VPS33B: variants seen among roughly 807,000 people sequenced by gnomAD.
VPS33B encodes the protein vacuolar protein sorting-associated protein 33B.
VPS33B carries 80 observed loss-of-function variants against 95.3 expected under a neutral mutation model. The ratio of observed to expected loss-of-function variants is 0.84; its 90% CI spans 0.70 to 1.01. VPS33B has a LOEUF of 1.01. VPS33B is among the 50% of genes least tolerant of loss of function. The pLI, the probability that VPS33B is intolerant of heterozygous loss-of-function variation, is 0.00. For missense variants in VPS33B, 715 were observed against 773.4 expected (o/e 0.92, Z 0.90); for synonymous variants, 280 against 280.4 (o/e 1.00, Z 0.01).
At position 90,999,765 on chromosome 15, in the gene VPS33B, A is replaced by G; in HGVS notation, c.1686T>C (p.Ser562=). The G allele has an allele frequency of 1.9e-6, 3 of 1,614,162 alleles. No homozygotes were observed. Among genetic ancestry groups the G allele is most frequent in the Admixed American group, 3.3e-5 (2 of 60,010 alleles). ...CCACCAAGATGAGGCGCAGGGACTC[A>G]CTGGAAGCCTTGTCTTCCTTAGTCA... is the stretch of plus-strand genomic sequence containing the variant. ...TDMTKEDKAS[S]ESLRLILVVF... is the part of the protein sequence containing the mutation. The change falls in exon 22 of 23, where the codon AGT becomes AGC. Residue 562 remains serine, a synonymous_variant. Coordinates refer to ENST00000333371, the MANE Select transcript of VPS33B (RefSeq NM_018668.5). The surrounding 1 kb of genome is among the most constrained non-coding windows in gnomAD (Gnocchi z 5.1).
chr15:91,003,008 T>G, intron 17 of VPS33B, 77 bp downstream of exon 17: 5 of 1,518,642 alleles, frequency 3.3e-6, no homozygotes, highest in Non-Finnish European at 4.6e-6. Context: ...AAGGGGCCAC[T>G]TCTCTTGCCT....
In VPS33B at chr15:91,000,750, G is replaced by C; in HGVS notation, c.1480-159C>G. 1.5e-6 allele frequency: 1 copy of C among 659,188 alleles called. No homozygotes were observed. The highest frequency in any genetic ancestry group is 2.7e-6 in the Non-Finnish European group (1 of 372,578). 40.8% of individuals were successfully genotyped at this position (659,188 alleles called of 1,614,324 possible). A position where few individuals can be genotyped will look rare whatever the true frequency, so the allele number is the denominator to read the frequency against. ...AGAGAATCCATAACGGAAGATGGCA[G>C]TTTTTGTTCAGTAACTGCCAGTTCT... is the stretch of plus-strand genomic sequence containing the variant. On this transcript the variant is annotated intron_variant, in intron 19 of 22. Transcript: ENST00000333371. The surrounding 1 kb of genome is among the most constrained non-coding windows in gnomAD (Gnocchi z 4.9).
At chr15:91,012,102 A>G (rs1265794803) in intron 5 of VPS33B, among the ~76,000 whole-genome samples, 1 of 152,102 alleles carries the variant, frequency 6.6e-6, no homozygotes, top group Non-Finnish European at 1.5e-5. Context: ...AGAGTCCAAG[A>G]ACTAGAAATT....
intron 17 of VPS33B, 52 bp downstream of exon 17, chr15:91,003,025 AAAATGCCC>A: frequency 1.3e-6 from 2 of 1,592,772 alleles, no homozygotes; most frequent in East Asian, 4.5e-5. Context: ...GCCTCTTTCA[AAAATGCCC>A]AATAACTGCC....
intron 18 of VPS33B, 31 bp from the exon 19 acceptor site, chr15:91,001,493 TA>T (rs2040437044): frequency 6.3e-7 from 1 of 1,586,734 alleles, no homozygotes; most frequent in African/African-American, 1.3e-5. Flanking sequence ...AGGTTTCACC[TA>T]AGGTCTATGG....
Position 90,999,330 on chromosome 15 carries a change from T to C in VPS33B, c.1775-276A>G, listed in dbSNP as rs1037256885. 38 of 539,816 alleles carry C rather than the reference T, an allele frequency of 7.0e-5. No individual in the cohort carries two copies. Among genetic ancestry groups the C allele is most frequent in the Admixed American group, 1.3e-4 (4 of 31,824 alleles). 33.4% of individuals were successfully genotyped at this position (539,816 alleles called of 1,614,324 possible). A position where few individuals can be genotyped will look rare whatever the true frequency, so the allele number is the denominator to read the frequency against. On this transcript the variant is annotated intron_variant, in intron 22 of 22. Coordinates refer to ENST00000333371, the MANE Select transcript of VPS33B (RefSeq NM_018668.5). The surrounding 1 kb of genome is among the most constrained non-coding windows in gnomAD (Gnocchi z 5.1). The stretch of plus-strand genomic sequence containing the variant: ...GGACACTTTGCGTGTTTTTTTTTTT[T>C]CTCTTGAGATGGAGTTTTGCTATTG...
chr15:91,016,167 AATTT>A (rs2040917515), intron 3 of VPS33B, among the ~76,000 whole-genome samples: 3 of 152,042 alleles, frequency 2.0e-5, no homozygotes, highest in Admixed American at 6.6e-5. Flanking sequence ...GACAGGAGAG[AATTT>A]CAGGCAGAGC....
At position 91,009,713 on chromosome 15, in the gene VPS33B, G is replaced by A. The variant is rs1411859395; in HGVS notation, c.403+88C>T. 2.0e-5 allele frequency: 28 copies of A among 1,376,536 alleles called. No individual in the cohort carries two copies. The highest frequency in any genetic ancestry group is 3.9e-5 in the Admixed American group (2 of 51,366). 85.3% of individuals were successfully genotyped at this position (1,376,536 alleles called of 1,614,324 possible). On this transcript the variant is annotated intron_variant, in intron 6 of 22. Coordinates refer to ENST00000333371, the MANE Select transcript of VPS33B (RefSeq NM_018668.5). The surrounding 1 kb of genome is among the most constrained non-coding windows in gnomAD (Gnocchi z 4.1). Reference sequence around the variant, plus strand: ...CCAGGAAAAGAAGGAGCTGGTGGTGGGGGTGGGGTGGGGGGGTTGGAGAAC... The same window carrying A: ...CCAGGAAAAGAAGGAGCTGGTGGTGAGGGTGGGGTGGGGGGGTTGGAGAAC...
In VPS33B at chr15:91,013,983, T is replaced by A. The variant is rs570184343; in HGVS notation, c.290-112A>T. 1.2e-5 allele frequency: 16 copies of A among 1,291,536 alleles called. No individual in the cohort carries two copies. Among genetic ancestry groups the A allele is most frequent in the Middle Eastern group, 2.1e-4 (1 of 4,796 alleles). 80.0% of individuals were successfully genotyped at this position (1,291,536 alleles called of 1,614,324 possible). A position where few individuals can be genotyped will look rare whatever the true frequency, so the allele number is the denominator to read the frequency against. On this transcript the variant is annotated intron_variant, in intron 4 of 22. Transcript: ENST00000333371. This position sits in a 1 kb window ranked among gnomAD's most constrained non-coding sequence, Gnocchi z 4.5. ...CCTGTAATCCCAGCACTTGGGAGGC[T>A]GAGGCGGGTGGATCACCTGAGGTCA...
rs995436966 is a variant in VPS33B at position 90,999,116 on chromosome 15, A to G, written c.1775-62T>C. The stretch of plus-strand genomic sequence containing the variant: ...AGATCTTAGGCCCCAACGGCAACCC[A>G]TAGAGCCTCTCCAGTTCCACAGTCC... On this transcript the variant is annotated intron_variant, in intron 22 of 22. Coordinates refer to ENST00000333371, the MANE Select transcript of VPS33B (RefSeq NM_018668.5). This position sits in a 1 kb window ranked among gnomAD's most constrained non-coding sequence, Gnocchi z 5.1. 1.2e-5 allele frequency: 18 copies of G among 1,513,258 alleles called. No individual in the cohort carries two copies. The highest frequency in any genetic ancestry group is 3.4e-4 in the Middle Eastern group (2 of 5,834). 93.7% of individuals were successfully genotyped at this position (1,513,258 alleles called of 1,614,324 possible). A position where few individuals can be genotyped will look rare whatever the true frequency, so the allele number is the denominator to read the frequency against.
rs763886589 is a variant in VPS33B at position 90,999,529 on chromosome 15, G to C, written c.1774+148C>G. 16 of 846,112 alleles carry C rather than the reference G, an allele frequency of 1.9e-5. No homozygotes were observed. Among genetic ancestry groups the C allele is most frequent in the African/African-American group, 8.3e-5 (5 of 60,356 alleles). 52.4% of individuals were successfully genotyped at this position (846,112 alleles called of 1,614,324 possible). On this transcript the variant is annotated intron_variant, in intron 22 of 22. Coordinates refer to ENST00000333371, the MANE Select transcript of VPS33B (RefSeq NM_018668.5). The surrounding 1 kb of genome is among the most constrained non-coding windows in gnomAD (Gnocchi z 5.1). Reference sequence around the variant, plus strand: ...AGATGGGGTTTCACCATGTTGGTCAGGCTAGGCTCTAACTCCTGACCTCAG... The same window carrying C: ...AGATGGGGTTTCACCATGTTGGTCACGCTAGGCTCTAACTCCTGACCTCAG...
Position 91,006,565 on chromosome 15 carries a change from C to G in VPS33B, c.778+87G>C. ...CCAGCAGTTCATTCAGGGTCTGGGTCTCTCCCACAAACCCTGCCCCACGTG... is the reference window on the plus strand; with the variant it reads ...CCAGCAGTTCATTCAGGGTCTGGGTGTCTCCCACAAACCCTGCCCCACGTG... On this transcript the variant is annotated intron_variant, in intron 10 of 22. Transcript: ENST00000333371. This position sits in a 1 kb window ranked among gnomAD's most constrained non-coding sequence, Gnocchi z 5.4. 6.2e-7 allele frequency: 1 copy of G among 1,606,432 alleles called. No homozygotes were observed. Among genetic ancestry groups the G allele is most frequent in the Non-Finnish European group, 8.5e-7 (1 of 1,173,040 alleles).
Position 91,017,365 on chromosome 15 carries a change from T to TAAAAAAAAA in VPS33B, c.178-342_178-341insTTTTTTTTT, listed in dbSNP as rs1272281030. 1.0e-3 allele frequency among the ~76,000 whole-genome samples: 17 copies of TAAAAAAAAA among 17,004 alleles called. 3 individuals are homozygous for TAAAAAAAAA. Among genetic ancestry groups the TAAAAAAAAA allele is most frequent in the African/African-American group, 3.9e-3 (9 of 2,316 alleles). 11.2% of individuals were successfully genotyped at this position (17,004 alleles called of 152,430 possible). ...TAACAAGACTCCATCTCTACAAAAT[T>TAAAAAAAAA]AAATATATATATATATATATATATA... On this transcript the variant is annotated intron_variant, in intron 2 of 22. Coordinates refer to ENST00000333371, the MANE Select transcript of VPS33B (RefSeq NM_018668.5).
rs1189688656 is a variant in VPS33B, at chr15:91,013,425, G to A, written c.357+379C>T. On this transcript the variant is annotated intron_variant, in intron 5 of 22. Transcript: ENST00000333371. The surrounding 1 kb of genome is among the most constrained non-coding windows in gnomAD (Gnocchi z 4.5). ...CTGCAGTGCAACAGTGTTGGGAGGT[G>A]CAGCCTAATAACAGGTGATTGGGTT... Among the ~76,000 whole-genome samples the A allele has an allele frequency of 6.6e-6, 1 of 152,206 alleles. No homozygotes were observed. Among genetic ancestry groups the A allele is most frequent in the Non-Finnish European group, 1.5e-5 (1 of 68,042 alleles).
rs2040412908 is a variant in VPS33B, at chr15:91,000,729, A to C, written c.1480-138T>G. 5.3e-6 allele frequency: 4 copies of C among 754,618 alleles called. No homozygotes were observed. Among genetic ancestry groups the C allele is most frequent in the South Asian group, 4.4e-5 (3 of 67,454 alleles). 46.7% of individuals were successfully genotyped at this position (754,618 alleles called of 1,614,324 possible). A position where few individuals can be genotyped will look rare whatever the true frequency, so the allele number is the denominator to read the frequency against. ...GAACCAGCAATAGCCCTGAAAAGAG[A>C]ATCCATAACGGAAGATGGCAGTTTT... On this transcript the variant is annotated intron_variant, in intron 19 of 22. Transcript: ENST00000333371. The surrounding 1 kb of genome is among the most constrained non-coding windows in gnomAD (Gnocchi z 4.9).
chr15:91,007,415 A>T lies in VPS33B; in HGVS notation c.603+54T>A. 1 of 1,545,412 alleles carries T rather than the reference A, an allele frequency of 6.5e-7. No individual in the cohort carries two copies. The highest frequency in any genetic ancestry group is 8.9e-7 in the Non-Finnish European group (1 of 1,117,504). ...TGCCCTTGGATAACCCCAGGAGGGT[A>T]CAGAACAGGGAAAACAGCGTCTGCT... On this transcript the variant is annotated intron_variant, in intron 8 of 22. Coordinates refer to ENST00000333371, the MANE Select transcript of VPS33B (RefSeq NM_018668.5). This position sits in a 1 kb window ranked among gnomAD's most constrained non-coding sequence, Gnocchi z 5.3.
At chr15:91,017,665 G>T in intron 2 of VPS33B, 140 bp downstream of exon 2, 1 of 797,190 alleles carries the variant, frequency 1.3e-6, no homozygotes, top group Non-Finnish European at 2.1e-6. Context: ...AATACGAACA[G>T]CATCAATCTC....
rs185270698 is a variant in VPS33B at position 91,014,342 on chromosome 15, C to T, written c.289+42G>A. 57 of 1,611,746 alleles carry T rather than the reference C, an allele frequency of 3.5e-5. No homozygotes were observed. In the East Asian group the frequency reaches 8.9e-4, roughly 25 times the overall value. On this transcript the variant is annotated intron_variant, in intron 4 of 22. Transcript: ENST00000333371. ...ATGGCCAAGGCCCTTAGATTTTGCCCGCCCTTTCCCACAGTTACACATAGT... is the reference window on the plus strand; with the variant it reads ...ATGGCCAAGGCCCTTAGATTTTGCCTGCCCTTTCCCACAGTTACACATAGT...
Position 91,005,852 on chromosome 15 carries a change from T to G in VPS33B, c.940-68A>C. 6.2e-7 allele frequency: 1 copy of G among 1,609,566 alleles called. No homozygotes were observed. The highest frequency in any genetic ancestry group is 8.5e-7 in the Non-Finnish European group (1 of 1,176,204). ...CGAGAAACCACCACCCTCCCTCAGT[T>G]GCCATCCATCCATGAGAAAGGACAG... On this transcript the variant is annotated intron_variant, in intron 12 of 22. Coordinates refer to ENST00000333371, the MANE Select transcript of VPS33B (RefSeq NM_018668.5). The surrounding 1 kb of genome is among the most constrained non-coding windows in gnomAD (Gnocchi z 6.4).
Sources: gnomAD v4.1 joint callset for allele counts (sites outside exome capture counted in the v4.1 genomes callset) on GRCh38, gnomAD v4.1.1 for gene constraint, Gnocchi (gnomAD v3.1) non-coding constraint, MANE v1.5 for transcripts, NCBI Gene and HGNC (gene_info 2026-07-23, HGNC 2026-07-21) for gene names.